Variants in NEO1 observed in about 807,000 individuals in gnomAD.
The protein encoded by NEO1 is neogenin.
In NEO1, 63 loss-of-function variants were observed where a neutral mutation model predicts 159.7. The ratio of observed to expected loss-of-function variants is 0.39; its 90% CI spans 0.32 to 0.49. NEO1 has a LOEUF of 0.49. Ranked by LOEUF, NEO1 falls within the 20% of genes least tolerant of loss-of-function variation. NEO1 has a pLI of 0.85. For missense variants in NEO1, 1,615 were observed against 1,831.0 expected (o/e 0.88, Z 2.15); for synonymous variants, 633 against 662.0 (o/e 0.96, Z 0.67).
At chr15:73,301,574 G>A in intron 28 of NEO1, 117 bp downstream of exon 28, 1 of 1,328,052 alleles carries the variant, frequency 7.5e-7, no homozygotes, top group Non-Finnish European at 1.0e-6. Context: ...GAACTATGAA[G>A]CAGATACACT....
chr15:73,148,962 T>C (rs1485260273), intron 5 of NEO1, among the ~76,000 whole-genome samples: 1 of 151,458 alleles, frequency 6.6e-6, no homozygotes, highest in African/African-American at 2.4e-5. Flanking sequence ...AGGGTAGGAA[T>C]AGTTGCCACA....
chr15:73,215,510 A>G (rs746737586), intron 7 of NEO1, among the ~76,000 whole-genome samples: 8 of 152,292 alleles, frequency 5.3e-5, no homozygotes, highest in Admixed American at 2.6e-4. Context: ...GATTTTGTCA[A>G]ATGCTTTCTC....
intron 7 of NEO1, among the ~76,000 whole-genome samples, chr15:73,214,272 TTTAA>T (rs1258879013): frequency 6.6e-6 from 1 of 152,260 alleles, no homozygotes; most frequent in South Asian, 2.1e-4. Context: ...AGCTCTTTAG[TTTAA>T]TTAAGTCCCA....
intron 5 of NEO1, among the ~76,000 whole-genome samples, chr15:73,173,639 T>C (rs1319204568): frequency 3.3e-5 from 5 of 152,208 alleles, no homozygotes; most frequent in African/African-American, 4.8e-5. Context: ...AGAGAACTTA[T>C]AAATTTTACC....
At chr15:73,159,408 C>T (rs2034009803) in intron 5 of NEO1, among the ~76,000 whole-genome samples, 1 of 151,788 alleles carries the variant, frequency 6.6e-6, no homozygotes, top group Non-Finnish European at 1.5e-5. Flanking sequence ...TTGAATATGA[C>T]TCCACACCTT....
intron 26 of NEO1, among the ~76,000 whole-genome samples, chr15:73,294,244 T>C (rs2151154219): frequency 6.6e-6 from 1 of 152,278 alleles, no homozygotes; most frequent in South Asian, 2.1e-4. Context: ...AAAGAAATAG[T>C]GAAGGTGTGA....
In NEO1 at chr15:73,260,412, C is replaced by G; in HGVS notation, c.2345C>G (p.Ala782Gly). The stretch of plus-strand genomic sequence containing the variant: ...GGTTATGGCATTGGCAGCCCTCATG[C>G]CCAGACCATCAAAGTGGACTATAAA... The part of the protein sequence containing the change: ...AIGYGIGSPH[A>G]QTIKVDYKQR... The change falls in exon 15 of 29, where the codon GCC (alanine) becomes GGC (glycine). Residue 782 changes from alanine (A) to glycine (G), a missense_variant. Transcript: ENST00000261908. 6.2e-7 allele frequency: 1 copy of G among 1,613,928 alleles called. No individual in the cohort carries two copies. The highest frequency in any genetic ancestry group is 8.5e-7 in the Non-Finnish European group (1 of 1,179,920).
At chr15:73,138,496 C>G (rs1429510775) in intron 5 of NEO1, among the ~76,000 whole-genome samples, 2 of 151,640 alleles carry the variant, frequency 1.3e-5, no homozygotes, top group South Asian at 2.1e-4. Context: ...GTGGCTCGCG[C>G]CTGTAATCCC....
intron 7 of NEO1, among the ~76,000 whole-genome samples, chr15:73,234,875 C>T (rs983047485): frequency 6.6e-6 from 1 of 152,194 alleles, no homozygotes; most frequent in Non-Finnish European, 1.5e-5. Flanking sequence ...ATTAATACCA[C>T]TCCACCACTC....
chr15:73,245,728 C>T (rs555658003), intron 9 of NEO1, among the ~76,000 whole-genome samples: 2 of 149,852 alleles, frequency 1.3e-5, no homozygotes, highest in Non-Finnish European at 3.0e-5. Flanking sequence ...GTGCCTGCCA[C>T]CATGCCTAGC....
At chr15:73,216,754 T>G (rs1204283772) in intron 7 of NEO1, among the ~76,000 whole-genome samples, 1 of 152,228 alleles carries the variant, frequency 6.6e-6, no homozygotes, top group Non-Finnish European at 1.5e-5. Flanking sequence ...TCTGTTCATG[T>G]CCTTCGCCCA....
intron 4 of NEO1, among the ~76,000 whole-genome samples, chr15:73,130,866 G>A (rs2031025589): frequency 6.6e-6 from 1 of 152,232 alleles, no homozygotes; most frequent in Non-Finnish European, 1.5e-5. Flanking sequence ...AACACCATGT[G>A]ACCATGTGGG....
intron 1 of NEO1, among the ~76,000 whole-genome samples, chr15:73,062,884 A>G (rs575763212): frequency 3.3e-5 from 5 of 152,360 alleles, no homozygotes; most frequent in East Asian, 3.9e-4. Context: ...AGTCTAGGCT[A>G]GAAACGTAGG....
Position 73,270,192 on chromosome 15 carries a change from G to T in NEO1, c.2677G>T (p.Val893Phe). ...GATTACAGACTCCCGATACTACACCGTCCGATGGAAAACCAACATCCCAGC... is the reference window on the plus strand; with the variant it reads ...GATTACAGACTCCCGATACTACACCTTCCGATGGAAAACCAACATCCCAGC... ...QKITDSRYYTVRWKTNIPANT... is the reference protein window; with the variant it reads ...QKITDSRYYTFRWKTNIPANT... The change falls in exon 17 of 29, where the codon GTC (valine) becomes TTC (phenylalanine). Residue 893 changes from valine to phenylalanine, a missense_variant. By Grantham distance (50) the Val-to-Phe change is conservative (BLOSUM62 -1). Coordinates refer to ENST00000261908, the MANE Select transcript of NEO1 (RefSeq NM_002499.4). The T allele has an allele frequency of 6.2e-7, 1 of 1,614,116 alleles. No homozygotes were observed. Among genetic ancestry groups the T allele is most frequent in the South Asian group, 1.1e-5 (1 of 91,088 alleles).
intron 13 of NEO1, chr15:73,256,012 T>A (rs1426158450): frequency 6.6e-6 from 1 of 152,216 alleles, no homozygotes; most frequent in African/African-American, 2.4e-5. Flanking sequence ...ATAAGAACTA[T>A]AAGAATGTGA....
intron 7 of NEO1, among the ~76,000 whole-genome samples, chr15:73,224,833 C>T (rs1020157811): frequency 2.0e-5 from 3 of 152,024 alleles, no homozygotes; most frequent in African/African-American, 7.3e-5. Context: ...TTTGGATCCA[C>T]TGCTGGTGAA....
At chr15:73,082,269 TCCTCC>T (rs1249132491) in intron 1 of NEO1, among the ~76,000 whole-genome samples, 1 of 152,202 alleles carries the variant, frequency 6.6e-6, no homozygotes, top group East Asian at 1.9e-4. Context: ...TGTAACATTT[TCCTCC>T]CCTAAGTTTT....
chr15:73,153,125 G>A (rs2033511009), intron 5 of NEO1, among the ~76,000 whole-genome samples: 1 of 152,290 alleles, frequency 6.6e-6, no homozygotes, highest in South Asian at 2.1e-4. Flanking sequence ...GAAGATCAGT[G>A]TCCCAACTGG....
chr15:73,186,625 A>G (rs746681926), intron 7 of NEO1, among the ~76,000 whole-genome samples: 2 of 151,978 alleles, frequency 1.3e-5, no homozygotes, highest in Non-Finnish European at 2.9e-5. Context: ...CCACCTTCAC[A>G]AACTCATGCA....
Sources: gnomAD v4.1 joint callset for allele counts (sites outside exome capture counted in the v4.1 genomes callset) on GRCh38, gnomAD v4.1.1 for gene constraint, MANE v1.5 for transcripts, NCBI Gene and HGNC (gene_info 2026-07-23, HGNC 2026-07-21) for gene names.